Variants in HNF4G observed in about 807,000 individuals in gnomAD.
The protein encoded by HNF4G is hepatocyte nuclear factor 4 gamma, also known as hepatocyte nuclear factor 4-gamma.
Under a neutral mutation model 50.9 loss-of-function variants are expected in HNF4G, and 21 were observed. The ratio of observed to expected loss-of-function variants is 0.41; its 90% CI spans 0.29 to 0.59. The LOEUF is 0.59. Ranked by LOEUF, HNF4G falls within the 20% of genes least tolerant of loss-of-function variation. HNF4G has a pLI of 0.26. For missense variants in HNF4G, 527 were observed against 559.4 expected, an observed-to-expected ratio of 0.94 and a Z score of 0.58; for synonymous variants, 198 against 185.6, an observed-to-expected ratio of 1.07 and a Z score of -0.54.
chr8:75,460,043 A>G (rs1811808817), intron 1 of HNF4G, among the ~76,000 whole-genome samples: 1 of 151,470 alleles, frequency 6.6e-6, no homozygotes, highest in Admixed American at 6.6e-5. Flanking sequence ...ATGATTCTGT[A>G]TAAAGAAAGC....
intron 5 of HNF4G, among the ~76,000 whole-genome samples, chr8:75,555,152 T>C (rs1409049468): frequency 6.6e-6 from 1 of 152,130 alleles, no homozygotes; most frequent in African/African-American, 2.4e-5. Context: ...ACTAGGGTGG[T>C]AGCAATGGAG....
intron 1 of HNF4G, among the ~76,000 whole-genome samples, chr8:75,452,457 C>T (rs535189971): frequency 2.0e-4 from 31 of 152,142 alleles, no homozygotes; most frequent in African/African-American, 6.7e-4. Flanking sequence ...CGTTGGCTCA[C>T]GCCTGTAATC....
chr8:75,415,535 G>A (rs1007797111), intron 1 of HNF4G, among the ~76,000 whole-genome samples: 7 of 152,268 alleles, frequency 4.6e-5, no homozygotes, highest in African/African-American at 1.7e-4. Flanking sequence ...GACTCTTTTT[G>A]TGAGCACCAA....
At chr8:75,563,488 C>G (rs953948516) in intron 9 of HNF4G, among the ~76,000 whole-genome samples, 4 of 150,138 alleles carry the variant, frequency 2.7e-5, no homozygotes, top group African/African-American at 9.8e-5. Flanking sequence ...GATTTCAGAA[C>G]ATTTATAAAG....
chr8:75,543,973 C>T lies in HNF4G; in HGVS notation c.281C>T (p.Ser94Phe), dbSNP rs1231597503. The T allele has an allele frequency of 6.4e-7, 1 of 1,570,238 alleles. No individual in the cohort carries two copies. Among genetic ancestry groups the T allele is most frequent in the Admixed American group, 1.9e-5 (1 of 53,982 alleles). Residue 94 changes from serine (S) to phenylalanine (F), a missense_variant, in exon 2 of 10, where the codon TCT becomes TTT. Physicochemically the swap from Ser to Phe is radical, Grantham distance 155. Transcript: ENST00000396423. ...AGCATTCGTAAGAGTCACGTTTATT[C>T]TTGCAGGTACTTTAAATGCCCTTTT... The part of the protein sequence containing the change: ...RRSIRKSHVY[S>F]CRFSRQCVVD...
intron 9 of HNF4G, among the ~76,000 whole-genome samples, chr8:75,562,924 G>A (rs1280849184): frequency 6.6e-6 from 1 of 152,110 alleles, no homozygotes; most frequent in Non-Finnish European, 1.5e-5. Context: ...AGAAATAATT[G>A]TAAAAGCAGA....
chr8:75,508,029 A>T (rs1805640451), intron 2 of HNF4G, among the ~76,000 whole-genome samples: 1 of 152,112 alleles, frequency 6.6e-6, no homozygotes, highest in Admixed American at 6.5e-5. Context: ...GAAAAAAAAA[A>T]GATAAAAGCG....
chr8:75,511,288 T>C lies in HNF4G; in HGVS notation c.-24+21080T>C, dbSNP rs566712192. On this transcript the variant is annotated intron_variant, in intron 2 of 10. Transcript: ENST00000354370. ...ATATCAACTTTTGTCTAGGCATAGC[T>C]CTATTTTGAGCTCTTTATTCTGTTC... Among the ~76,000 whole-genome samples, 5 of 152,282 alleles carry C rather than the reference T, an allele frequency of 3.3e-5. No homozygotes were observed. In the East Asian group the frequency reaches 9.7e-4, roughly 29 times the overall value.
rs1359788674 is a variant in HNF4G, at chr8:75,565,471, A to T, written c.*1375A>T. On this transcript the variant is annotated 3_prime_UTR_variant, in exon 10 of 10. Transcript: ENST00000396423. ...CAGATTCTTTGAAATGTAGCAGCCCAGGGATGTACCAAATGTCGAATTCTA... is the reference window on the plus strand; with the variant it reads ...CAGATTCTTTGAAATGTAGCAGCCCTGGGATGTACCAAATGTCGAATTCTA... The T allele has an allele frequency of 6.6e-6, 1 of 152,160 alleles. No individual in the cohort carries two copies. Among genetic ancestry groups the T allele is most frequent in the Non-Finnish European group, 1.5e-5 (1 of 68,032 alleles). 9.4% of individuals were successfully genotyped at this position (152,160 alleles called of 1,614,324 possible).
At chr8:75,474,752 C>A (rs1386435289) in intron 1 of HNF4G, among the ~76,000 whole-genome samples, 2 of 152,090 alleles carry the variant, frequency 1.3e-5, no homozygotes, top group Non-Finnish European at 2.9e-5. Context: ...GGCTGGAGTG[C>A]AGTGGCGCGA....
chr8:75,527,763 GAT>G (rs1410587738), intron 2 of HNF4G, among the ~76,000 whole-genome samples: 1 of 152,106 alleles, frequency 6.6e-6, no homozygotes, highest in African/African-American at 2.4e-5. Flanking sequence ...TATAAATGTA[GAT>G]ATATGAGATC....
intron 1 of HNF4G, among the ~76,000 whole-genome samples, chr8:75,440,827 T>G (rs1479196433): frequency 6.6e-6 from 1 of 152,148 alleles, no homozygotes; most frequent in Non-Finnish European, 1.5e-5. Flanking sequence ...TTATCCCATT[T>G]TTATACACTT....
chr8:75,550,095 T>C (rs1806903628), intron 3 of HNF4G, among the ~76,000 whole-genome samples: 1 of 152,164 alleles, frequency 6.6e-6, no homozygotes, highest in Non-Finnish European at 1.5e-5. Context: ...GTTTTAGGTC[T>C]CTAGAAATTG....
At position 75,497,692 on chromosome 8, in the gene HNF4G, C is replaced by CAA. The variant is rs61425612; in HGVS notation, c.-24+7495_-24+7496dup. Among the ~76,000 whole-genome samples, 467 of 140,502 alleles carry CAA rather than the reference C, an allele frequency of 3.3e-3. 2 individuals carry two copies. The highest frequency in any genetic ancestry group is 6.7e-3 in the Admixed American group (93 of 13,864). 92.2% of individuals were successfully genotyped at this position (140,502 alleles called of 152,430 possible). A position where few individuals can be genotyped will look rare whatever the true frequency, so the allele number is the denominator to read the frequency against. ...AAGCAAGACTCCATTTCCACCCCCT[C>CAA]AAAAAAAAAAAATAGATAAAATGGT... On this transcript the variant is annotated intron_variant, in intron 2 of 10. Coordinates refer to the HNF4G transcript ENST00000354370.
chr8:75,413,546 T>C (rs1810556963), intron 1 of HNF4G, among the ~76,000 whole-genome samples: 1 of 152,096 alleles, frequency 6.6e-6, no homozygotes, highest in Non-Finnish European at 1.5e-5. Flanking sequence ...TTTCCTAAAG[T>C]TCTCCTGTCT....
At chr8:75,555,227 TAGAG>T (rs572451035) in intron 5 of HNF4G, among the ~76,000 whole-genome samples, 1 of 152,310 alleles carries the variant, frequency 6.6e-6, no homozygotes, top group South Asian at 2.1e-4. Flanking sequence ...ACTGCAGAGT[TAGAG>T]AGGACTCAAA....
At chr8:75,513,037 T>G (rs554335732) in intron 2 of HNF4G, among the ~76,000 whole-genome samples, 1 of 152,256 alleles carries the variant, frequency 6.6e-6, no homozygotes, top group Non-Finnish European at 1.5e-5. Context: ...CTGATAGAGT[T>G]TTTCTGTTTT....
intron 1 of HNF4G, among the ~76,000 whole-genome samples, chr8:75,452,868 T>G (rs1378912641): frequency 6.6e-6 from 1 of 152,230 alleles, no homozygotes; most frequent in African/African-American, 2.4e-5. Flanking sequence ...TGAATATGTT[T>G]GCTTTTCCAC....
intron 2 of HNF4G, among the ~76,000 whole-genome samples, chr8:75,530,893 A>G (rs564709335): frequency 6.8e-6 from 1 of 147,450 alleles, no homozygotes; most frequent in Admixed American, 6.8e-5. Flanking sequence ...CCTGGGTTCG[A>G]GTGATTCTCC....
Sources: allele counts gnomAD v4.1 joint callset (sites outside exome capture counted in the v4.1 genomes callset), GRCh38; gene constraint gnomAD v4.1.1; transcripts MANE v1.5; gene names NCBI Gene and HGNC (gene_info 2026-07-23, HGNC 2026-07-21).